The following ASPH variants were observed in gnomAD, a reference collection of about 807,000 sequenced individuals.
The protein encoded by ASPH is aspartate beta-hydroxylase.
In ASPH, 100 loss-of-function variants were observed where a neutral mutation model predicts 118.4. That is an observed-to-expected ratio of 0.84 (90% CI 0.72 to 1.00). The LOEUF (loss-of-function observed/expected upper bound fraction) is 1.00. ASPH is among the 50% of genes least tolerant of loss of function. The pLI, the probability that ASPH is intolerant of heterozygous loss-of-function variation, is 0.00. For missense variants in ASPH, 920 were observed against 919.5 expected (o/e 1.00, Z -0.01); for synonymous variants, 315 against 325.6 (o/e 0.97, Z 0.35).
At chr8:61,611,939 G>A (rs1324149098) in intron 14 of ASPH, among the ~76,000 whole-genome samples, 1 of 150,988 alleles carries the variant, frequency 6.6e-6, no homozygotes, top group Non-Finnish European at 1.5e-5. Flanking sequence ...AAATTCCAAA[G>A]TTGATATAAC....
intron 1 of ASPH, chr8:61,687,715 T>C (rs899406494): frequency 3.3e-5 from 5 of 152,174 alleles, no homozygotes; most frequent in East Asian, 1.9e-4. Flanking sequence ...CATTAAAACA[T>C]AGAAGAAATG....
intron 15 of ASPH, among the ~76,000 whole-genome samples, chr8:61,577,182 G>A (rs540761345): frequency 1.1e-4 from 16 of 151,792 alleles, no homozygotes; most frequent in Non-Finnish European, 1.8e-4. Context: ...GTCGTGGGGT[G>A]GGGGGATGGA....
intron 14 of ASPH, among the ~76,000 whole-genome samples, chr8:61,593,659 T>C (rs1841800062): frequency 6.6e-6 from 1 of 152,196 alleles, no homozygotes; most frequent in Non-Finnish European, 1.5e-5. Context: ...CCCATAGGGT[T>C]ATTTTTATAA....
chr8:61,708,943 C>T (rs80048119), intron 1 of ASPH, among the ~76,000 whole-genome samples: 2,256 of 147,398 alleles, frequency 0.015, 50 homozygotes, highest in African/African-American at 0.053. Context: ...ATAGTATCTA[C>T]GGCAGATGAT....
chr8:61,706,852 T>C (rs551742572), intron 1 of ASPH, among the ~76,000 whole-genome samples: 7 of 152,320 alleles, frequency 4.6e-5, no homozygotes, highest in East Asian at 1.9e-4. Context: ...CAAGAGGTGA[T>C]GCTGCAGACT....
chr8:61,641,762 G>A (rs1420389651), intron 10 of ASPH, among the ~76,000 whole-genome samples: 2 of 152,100 alleles, frequency 1.3e-5, no homozygotes, highest in African/African-American at 2.4e-5. Context: ...GGGACCCTAT[G>A]TTACTCATAA....
chr8:61,551,303 T>C (rs779832432), intron 20 of ASPH, among the ~76,000 whole-genome samples: 6 of 152,250 alleles, frequency 3.9e-5, no homozygotes, highest in Non-Finnish European at 7.3e-5. Flanking sequence ...TGCAGATCCA[T>C]CCTCTTTCAG....
At chr8:61,593,532 T>C (rs946959597) in intron 14 of ASPH, among the ~76,000 whole-genome samples, 3 of 152,176 alleles carry the variant, frequency 2.0e-5, no homozygotes, top group African/African-American at 7.2e-5. Flanking sequence ...CAGTAAATAG[T>C]ATATAAAGGG....
chr8:61,540,253 C>T (rs948895522), intron 21 of ASPH, among the ~76,000 whole-genome samples: 6 of 152,042 alleles, frequency 3.9e-5, no homozygotes, highest in Admixed American at 3.9e-4. Flanking sequence ...AATTGTAATC[C>T]TCAGTGTTAG....
chr8:61,525,337 A>C (rs1814865039), intron 22 of ASPH, among the ~76,000 whole-genome samples: 1 of 148,534 alleles, frequency 6.7e-6, no homozygotes, highest in South Asian at 2.1e-4. Context: ...ATATCAATTC[A>C]CTGAAAACAC....
chr8:61,709,723 G>A (rs1159964657), intron 1 of ASPH, among the ~76,000 whole-genome samples: 1 of 152,210 alleles, frequency 6.6e-6, no homozygotes, highest in East Asian at 1.9e-4. Flanking sequence ...AAACTAAGCT[G>A]CATATTTTCA....
In ASPH at chr8:61,576,766, G is replaced by A. The variant is rs1835295407; in HGVS notation, c.1149+6C>T. The A allele has an allele frequency of 6.2e-7, 1 of 1,604,488 alleles. No individual in the cohort carries two copies. The highest frequency in any genetic ancestry group is 1.3e-5 in the African/African-American group (1 of 74,778). Reference sequence around the variant, plus strand: ...AAGTGTCCTAAGGAGAAGGGTCTCAGAATACCTGCGCCTTCCCATATCTTG... The same window carrying A: ...AAGTGTCCTAAGGAGAAGGGTCTCAAAATACCTGCGCCTTCCCATATCTTG... On this transcript the variant is annotated splice_donor_region_variant and intron_variant, in intron 16 of 24. Coordinates refer to ENST00000379454, the MANE Select transcript of ASPH (RefSeq NM_004318.4).
At chr8:61,696,928 C>T (rs1421566793) in intron 1 of ASPH, among the ~76,000 whole-genome samples, 2 of 152,204 alleles carry the variant, frequency 1.3e-5, no homozygotes, top group East Asian at 1.9e-4. Flanking sequence ...GACAAGGACA[C>T]ACTGCCAATA....
chr8:61,565,332 C>T (rs1157583228), intron 17 of ASPH, among the ~76,000 whole-genome samples: 1 of 151,936 alleles, frequency 6.6e-6, no homozygotes, highest in African/African-American at 2.4e-5. Context: ...TACAAAATTT[C>T]CACAGATAAT....
chr8:61,565,893 T>C (rs901656305), intron 17 of ASPH, among the ~76,000 whole-genome samples: 56 of 152,320 alleles, frequency 3.7e-4, no homozygotes, highest in African/African-American at 1.3e-3. Flanking sequence ...AAAATTATGC[T>C]AAATCTACTC....
intron 1 of ASPH, among the ~76,000 whole-genome samples, chr8:61,712,031 A>G (rs72659057): frequency 0.16 from 24,255 of 152,206 alleles, 2,036 homozygotes; most frequent in South Asian, 0.3. Flanking sequence ...GGCAAAATGA[A>G]TAACAAAACC....
chr8:61,578,445 C>T, intron 15 of ASPH: 2 of 1,601,396 alleles, frequency 1.2e-6, no homozygotes, highest in Non-Finnish European at 8.5e-7. Context: ...ACTGAGCCCC[C>T]TTGTCCTGGA....
At chr8:61,630,949 G>A (rs10957196) in intron 13 of ASPH, among the ~76,000 whole-genome samples, 27,939 of 151,968 alleles carry the variant, frequency 0.18, 2,717 homozygotes, top group South Asian at 0.35. Flanking sequence ...ATGTGGCGGT[G>A]GAAGACAGTG....
rs551093026 is a variant in ASPH at position 61,635,828 on chromosome 8, G to C, written c.890-2101C>G. Reference sequence around the variant, plus strand: ...TTCAGGCTACCACAATCACTTCCTTGGATTAGTACACAATATTTTCCTAAC... The same window carrying C: ...TTCAGGCTACCACAATCACTTCCTTCGATTAGTACACAATATTTTCCTAAC... On this transcript the variant is annotated intron_variant, in intron 12 of 24. Coordinates refer to ENST00000379454, the MANE Select transcript of ASPH (RefSeq NM_004318.4). 5.6e-4 allele frequency among the ~76,000 whole-genome samples: 85 copies of C among 152,112 alleles called. 1 individual carries two copies. The highest frequency in any genetic ancestry group is 2.0e-3 in the African/African-American group (82 of 41,476).
Sources: allele counts gnomAD v4.1 joint callset (sites outside exome capture counted in the v4.1 genomes callset), GRCh38; gene constraint gnomAD v4.1.1; transcripts MANE v1.5; gene names NCBI Gene and HGNC (gene_info 2026-07-23, HGNC 2026-07-21).